Variants in LRRTM3 observed in about 807,000 individuals in gnomAD.
LRRTM3 encodes leucine rich repeat transmembrane neuronal 3, also known as leucine-rich repeat transmembrane neuronal protein 3.
In LRRTM3, 24 loss-of-function variants were observed where a neutral mutation model predicts 44.7. The observed-to-expected ratio is 0.54, with a 90% CI of 0.39 to 0.76. The LOEUF (loss-of-function observed/expected upper bound fraction) is 0.76, where lower values mean the gene tolerates loss of function less well. LRRTM3 is among the 30% of genes least tolerant of loss of function. LRRTM3 has a pLI of 0.00. For synonymous variants in LRRTM3, 277 were observed against 278.7 expected (o/e 0.99, Z 0.06); for missense variants, 587 against 702.2 (o/e 0.84, Z 1.85).
intron 2 of LRRTM3, chr10:67,015,419 C>T (rs1318154477): frequency 1.3e-5 from 2 of 152,126 alleles, no homozygotes; most frequent in East Asian, 3.8e-4. Context: ...ATGTCTTTCT[C>T]TTGATACTAT....
At chr10:66,956,247 C>T (rs1042169528) in intron 2 of LRRTM3, among the ~76,000 whole-genome samples, 7 of 150,942 alleles carry the variant, frequency 4.6e-5, no homozygotes, top group African/African-American at 7.3e-5. Context: ...ATCTAGGATG[C>T]GTTTCAATAA....
intron 2 of LRRTM3, among the ~76,000 whole-genome samples, chr10:67,010,894 T>C (rs1480653187): frequency 2.0e-5 from 3 of 152,200 alleles, no homozygotes; most frequent in East Asian, 3.8e-4. Context: ...TAACATTATT[T>C]CTTCTAAACC....
chr10:67,029,167 T>C (rs1022296474), intron 2 of LRRTM3, among the ~76,000 whole-genome samples: 1 of 152,218 alleles, frequency 6.6e-6, no homozygotes, highest in African/African-American at 2.4e-5. Flanking sequence ...ATGACTTCTA[T>C]CCAGGCCATT....
intron 2 of LRRTM3, among the ~76,000 whole-genome samples, chr10:67,069,789 GT>G (rs1489239740): frequency 1.3e-5 from 2 of 152,042 alleles, no homozygotes; most frequent in African/African-American, 2.4e-5. Flanking sequence ...TACTTCTACT[GT>G]ATGAATATTC....
chr10:66,987,233 G>A (rs6480245), intron 2 of LRRTM3, among the ~76,000 whole-genome samples: 107,835 of 152,064 alleles, frequency 0.71, 38,423 homozygotes, highest in East Asian at 0.8. Context: ...TGAATGAAAC[G>A]GGTGGCCACA....
intron 2 of LRRTM3, among the ~76,000 whole-genome samples, chr10:66,995,034 T>C (rs919099052): frequency 3.3e-5 from 5 of 152,160 alleles, no homozygotes; most frequent in African/African-American, 1.2e-4. Flanking sequence ...TCCAAGTATA[T>C]GCTAAATACT....
At chr10:66,977,220 C>T (rs1321664591) in intron 2 of LRRTM3, among the ~76,000 whole-genome samples, 1 of 151,952 alleles carries the variant, frequency 6.6e-6, no homozygotes, top group Non-Finnish European at 1.5e-5. Context: ...AGGTGGATCA[C>T]GAAGTCAAGA....
intron 2 of LRRTM3, among the ~76,000 whole-genome samples, chr10:67,089,835 C>G (rs1040094524): frequency 2.0e-5 from 3 of 151,236 alleles, no homozygotes; most frequent in Non-Finnish European, 4.4e-5. Context: ...TTTGTCCATC[C>G]CTTTCACAAG....
chr10:67,062,539 G>A (rs886604483), intron 2 of LRRTM3, among the ~76,000 whole-genome samples: 4 of 152,092 alleles, frequency 2.6e-5, no homozygotes, highest in South Asian at 2.1e-4. Flanking sequence ...GTGTGTCTGC[G>A]TGTAGATATG....
intron 2 of LRRTM3, among the ~76,000 whole-genome samples, chr10:66,930,415 A>G (rs149535348): frequency 6.6e-6 from 1 of 152,178 alleles, no homozygotes; most frequent in East Asian, 1.9e-4. Context: ...GTAACTTTAC[A>G]TTTTTCATAA....
At chr10:66,978,552 A>AAAATATATATATATATATATATAT in intron 2 of LRRTM3, among the ~76,000 whole-genome samples, 1 of 37,884 alleles carries the variant, frequency 2.6e-5, no homozygotes, top group African/African-American at 8.7e-5. Context: ...AAAAAAAAAA[A>AAAATATATATATATATATATATAT]ATATATATAT....
chr10:67,023,518 A>C (rs2133081763), intron 2 of LRRTM3, among the ~76,000 whole-genome samples: 1 of 152,296 alleles, frequency 6.6e-6, no homozygotes. Flanking sequence ...CTCTAACTTA[A>C]GGGATCTATG....
intron 2 of LRRTM3, among the ~76,000 whole-genome samples, chr10:66,984,211 G>A (rs1589546521): frequency 6.6e-6 from 1 of 152,122 alleles, no homozygotes; most frequent in Non-Finnish European, 1.5e-5. Flanking sequence ...ATATTTCAAC[G>A]AATGATGACG....
At chr10:67,056,698 A>G (rs886140223) in intron 2 of LRRTM3, among the ~76,000 whole-genome samples, 1 of 152,212 alleles carries the variant, frequency 6.6e-6, no homozygotes, top group Non-Finnish European at 1.5e-5. Flanking sequence ...TACATTATAC[A>G]GTAACTTTCA....
intron 2 of LRRTM3, among the ~76,000 whole-genome samples, chr10:66,961,455 C>T (rs1050870322): frequency 2.0e-5 from 3 of 152,188 alleles, no homozygotes; most frequent in Admixed American, 6.5e-5. Context: ...TTCAAGCATG[C>T]CACTCACTGG....
chr10:66,933,120 A>G (rs1225245592), intron 2 of LRRTM3, among the ~76,000 whole-genome samples: 1 of 152,230 alleles, frequency 6.6e-6, no homozygotes, highest in Non-Finnish European at 1.5e-5. Flanking sequence ...TTAGTGAGAT[A>G]CTGAGTGGGG....
intron 2 of LRRTM3, among the ~76,000 whole-genome samples, chr10:66,953,176 A>T (rs1331524194): frequency 6.6e-6 from 1 of 152,172 alleles, no homozygotes; most frequent in Non-Finnish European, 1.5e-5. Context: ...TGGGCTCATA[A>T]CTTAGTTCCC....
intron 2 of LRRTM3, among the ~76,000 whole-genome samples, chr10:67,019,200 T>G (rs1852837613): frequency 6.6e-6 from 1 of 152,196 alleles, no homozygotes; most frequent in African/African-American, 2.4e-5. Context: ...CTTGCCACTT[T>G]TCTTTTTTTA....
intron 2 of LRRTM3, among the ~76,000 whole-genome samples, chr10:67,053,664 A>G (rs1294422764): frequency 1.3e-5 from 2 of 152,164 alleles, no homozygotes; most frequent in Non-Finnish European, 2.9e-5. Flanking sequence ...ACCAGTCAAT[A>G]TCTTTGAGGA....
Sources: gnomAD v4.1 joint callset for allele counts (sites outside exome capture counted in the v4.1 genomes callset) on GRCh38, gnomAD v4.1.1 for gene constraint, MANE v1.5 for transcripts, NCBI Gene and HGNC (gene_info 2026-07-23, HGNC 2026-07-21) for gene names.